Variants in CRLF3 observed in about 807,000 individuals in gnomAD.
The protein encoded by CRLF3 is cytokine receptor-like factor 3.
In CRLF3, 33 loss-of-function variants were observed where a neutral mutation model predicts 55.0. The observed-to-expected ratio is 0.60, with a 90% confidence interval of 0.46 to 0.80. CRLF3 has a LOEUF of 0.80. Among genes scored for constraint, CRLF3 ranks in the 30% least tolerant of loss-of-function variants. CRLF3 has a pLI of 0.00. For synonymous variants in CRLF3, 238 were observed against 196.8 expected, an observed-to-expected ratio of 1.21 and a Z score of -1.75; for missense variants, 494 against 538.4, an observed-to-expected ratio of 0.92 and a Z score of 0.82.
intron 7 of CRLF3, 44 bp downstream of exon 7, chr17:30,785,871 AAAAT>A (rs765408831): frequency 7.0e-6 from 7 of 999,408 alleles, no homozygotes; most frequent in Non-Finnish European, 9.4e-6. Flanking sequence ...ACATATTACT[AAAAT>A]AATTAATATA....
chr17:30,808,046 C>G (rs765861055), intron 1 of CRLF3, among the ~76,000 whole-genome samples: 1 of 152,080 alleles, frequency 6.6e-6, no homozygotes, highest in Admixed American at 6.6e-5. Flanking sequence ...GAGATCTTTG[C>G]AAACTGGGCC....
intron 4 of CRLF3, 48 bp downstream of exon 4, chr17:30,796,112 C>G (rs1479650600): frequency 7.3e-7 from 1 of 1,378,506 alleles, no homozygotes; most frequent in African/African-American, 1.5e-5. Flanking sequence ...GCCTCCAAAT[C>G]GCAAACCCAT....
intron 1 of CRLF3, among the ~76,000 whole-genome samples, chr17:30,810,763 G>A (rs1389655640): frequency 1.3e-5 from 2 of 152,042 alleles, no homozygotes; most frequent in African/African-American, 4.8e-5. Context: ...CAAAACAACA[G>A]TGACTGATAT....
chr17:30,824,475 C>T, intron 1 of CRLF3, 48 bp downstream of exon 1: 3 of 1,528,764 alleles, frequency 2.0e-6, no homozygotes, highest in Middle Eastern at 1.7e-4. Flanking sequence ...GCCCGGCATC[C>T]GCGCCACCCC....
Position 30,806,180 on chromosome 17 carries a change from TTA to T in CRLF3, c.130-2074_130-2073del, listed in dbSNP as rs75964170. The stretch of plus-strand genomic sequence containing the variant: ...GGACAATGACTTAATCCTTTTTGAA[TTA>T]TAGTGCTCTTTGTCAATCTAAATGA... On this transcript the variant is annotated intron_variant, in intron 1 of 7. Transcript: ENST00000324238. 6.7e-3 allele frequency among the ~76,000 whole-genome samples: 1,014 copies of T among 152,290 alleles called. 36 individuals carry two copies. The highest frequency in any genetic ancestry group is 0.054 in the Admixed American group (821 of 15,284).
intron 1 of CRLF3, 63 bp downstream of exon 1, chr17:30,824,460 C>G: frequency 6.7e-7 from 1 of 1,498,810 alleles, no homozygotes; most frequent in Non-Finnish European, 8.9e-7. Flanking sequence ...GCCCTCCCAG[C>G]CTTCGCCCGG....
At position 30,783,283 on chromosome 17, in the gene CRLF3, C is replaced by G. The variant is rs895677104; in HGVS notation, c.*904G>C. 7.9e-5 allele frequency: 12 copies of G among 152,228 alleles called. No homozygotes were observed. The highest frequency in any genetic ancestry group is 2.9e-4 in the African/African-American group (12 of 41,524). The allele number at this position is 152,228 out of a possible 1,614,324, so 9.4% of individuals were successfully genotyped here. ...AATTGCAATGAAAGAACAAAAGGTACTACTTGCCTATTTTAGACACTTGGT... is the reference window on the plus strand; with the variant it reads ...AATTGCAATGAAAGAACAAAAGGTAGTACTTGCCTATTTTAGACACTTGGT... On this transcript the variant is annotated 3_prime_UTR_variant, in exon 8 of 8. Coordinates refer to ENST00000324238, the MANE Select transcript of CRLF3 (RefSeq NM_015986.4).
chr17:30,801,092 TAAAAAA>T (rs1387456607), intron 2 of CRLF3: 1 of 151,174 alleles, frequency 6.6e-6, no homozygotes. Context: ...TATTTTTTTT[TAAAAAA>T]ATTAGAGACA....
chr17:30,824,643 C>T lies in CRLF3; in HGVS notation c.9G>A (p.Gly3=), dbSNP rs1434354530. Residue 3 remains glycine (G), a synonymous_variant, in exon 1 of 8, where the codon GGG becomes GGA. Transcript: ENST00000324238. ...GCAGCTCAGGCTCCAGCTCCATCGCCCCCCTCATCTGGCCGCGCGGCCGGC... is the reference window on the plus strand; with the variant it reads ...GCAGCTCAGGCTCCAGCTCCATCGCTCCCCTCATCTGGCCGCGCGGCCGGC... MR[G]AMELEPELLL... 5 of 1,593,752 alleles carry T rather than the reference C, an allele frequency of 3.1e-6. No homozygotes were observed. The highest frequency in any genetic ancestry group is 3.4e-6 in the Non-Finnish European group (4 of 1,174,970).
chr17:30,812,364 A>G (rs1904654837), intron 1 of CRLF3, among the ~76,000 whole-genome samples: 1 of 152,140 alleles, frequency 6.6e-6, no homozygotes, highest in Non-Finnish European at 1.5e-5. Context: ...AAACTCTACC[A>G]TAACCCTGTG....
intron 1 of CRLF3, among the ~76,000 whole-genome samples, chr17:30,816,653 C>T (rs541275180): frequency 4.3e-4 from 65 of 151,976 alleles, no homozygotes; most frequent in African/African-American, 1.5e-3. Flanking sequence ...CCACACCTGG[C>T]TAATTTTTAA....
At chr17:30,791,553 T>C (rs1971801979) in intron 6 of CRLF3, among the ~76,000 whole-genome samples, 1 of 148,982 alleles carries the variant, frequency 6.7e-6, no homozygotes, top group African/African-American at 2.5e-5. Context: ...AGTCTTGCTG[T>C]GTCGCCCAGG....
chr17:30,785,652 T>G (rs1971625724), intron 7 of CRLF3, among the ~76,000 whole-genome samples: 2 of 151,868 alleles, frequency 1.3e-5, no homozygotes, highest in Non-Finnish European at 1.5e-5. Context: ...CACAGTGGCA[T>G]GCACCTGTAG....
chr17:30,817,702 T>TG (rs1359734916), intron 1 of CRLF3, among the ~76,000 whole-genome samples: 1 of 147,672 alleles, frequency 6.8e-6, no homozygotes, highest in African/African-American at 2.5e-5. Flanking sequence ...GGTCAACAGA[T>TG]GGAGACCATC....
At chr17:30,816,801 G>GT (rs11421963) in intron 1 of CRLF3, among the ~76,000 whole-genome samples, 20,603 of 151,916 alleles carry the variant, frequency 0.14, 1,498 homozygotes, top group South Asian at 0.25. Flanking sequence ...CCTTTTCTAT[G>GT]TTAGATGCAC....
rs767842783 is a variant in CRLF3 at position 30,804,043 on chromosome 17, G to A, written c.195C>T (p.Thr65=). Reference sequence around the variant, plus strand: ...ATCGCTCATCCAGGAGCTTTCCAAGGGTTCCCTTTAAATCATTAAAATGCT... The same window carrying A: ...ATCGCTCATCCAGGAGCTTTCCAAGAGTTCCCTTTAAATCATTAAAATGCT... The part of the protein sequence containing the change: ...LKQHFNDLKG[T]LGKLLDERLV... The change falls in exon 2 of 8, where the codon ACC becomes ACT. Residue 65 remains threonine, a synonymous_variant. Coordinates refer to ENST00000324238, the MANE Select transcript of CRLF3 (RefSeq NM_015986.4). 10 of 1,613,422 alleles carry A rather than the reference G, an allele frequency of 6.2e-6. No individual in the cohort carries two copies. In the African/African-American group the frequency reaches 1.1e-4, roughly 17 times the overall value.
At position 30,797,408 on chromosome 17, in the gene CRLF3, A is replaced by T; in HGVS notation, c.338-10T>A. ...AGCATGGCGATTTCACCTACAATCA[A>T]GAATAAGAGAACTAGAACAATGAAA... is the stretch of plus-strand genomic sequence containing the variant. On this transcript the variant is annotated splice_polypyrimidine_tract_variant and intron_variant, in intron 2 of 7. Transcript: ENST00000324238. 1 of 1,599,536 alleles carries T rather than the reference A, an allele frequency of 6.3e-7. No individual in the cohort carries two copies.
chr17:30,820,071 A>G (rs980246095), intron 1 of CRLF3, among the ~76,000 whole-genome samples: 2 of 152,228 alleles, frequency 1.3e-5, no homozygotes, highest in Non-Finnish European at 1.5e-5. Context: ...ATTCTTAATG[A>G]TTTCAACATC....
intron 1 of CRLF3, among the ~76,000 whole-genome samples, chr17:30,818,048 G>A (rs1362921749): frequency 6.6e-6 from 1 of 151,648 alleles, no homozygotes; most frequent in Admixed American, 6.6e-5. Context: ...GATCACCTGA[G>A]GTCAGGAGTT....
Sources: gnomAD v4.1 joint callset for allele counts (sites outside exome capture counted in the v4.1 genomes callset) on GRCh38, gnomAD v4.1.1 for gene constraint, MANE v1.5 for transcripts, NCBI Gene and HGNC (gene_info 2026-07-23, HGNC 2026-07-21) for gene names.